Variants in INVS observed in about 807,000 individuals in gnomAD.
INVS encodes inversin.
Under a neutral mutation model 108.8 loss-of-function variants are expected in INVS, and 86 were observed. The ratio of observed to expected loss-of-function variants is 0.79; its 90% confidence interval spans 0.66 to 0.95. INVS has a LOEUF of 0.95. INVS is among the 40% of genes least tolerant of loss of function. The pLI is 0.00. For missense variants in INVS, 1,169 were observed against 1,297.4 expected, an observed-to-expected ratio of 0.90 and a Z score of 1.52; for synonymous variants, 455 against 473.5, an observed-to-expected ratio of 0.96 and a Z score of 0.51.
At chr9:100,099,903 G>T (rs1826765665) in intron 1 of INVS, among the ~76,000 whole-genome samples, 1 of 152,140 alleles carries the variant, frequency 6.6e-6, no homozygotes, top group African/African-American at 2.4e-5. Context: ...GGTTCTCCCT[G>T]CTCCCGCCTT....
chr9:100,193,731 T>C (rs769202614), intron 3 of INVS, among the ~76,000 whole-genome samples: 1 of 152,218 alleles, frequency 6.6e-6, no homozygotes, highest in Non-Finnish European at 1.5e-5. Flanking sequence ...TCAGTATAAT[T>C]ATTTTGAAAT....
intron 11 of INVS, among the ~76,000 whole-genome samples, chr9:100,270,121 A>AT (rs59857087): frequency 0.33 from 49,245 of 150,020 alleles, 8,776 homozygotes; most frequent in Non-Finnish European, 0.42. Context: ...TTTTACTTCA[A>AT]TTTTTTTTTT....
rs199532369 is a variant in INVS, at chr9:100,231,213, TTAAAG to T, written c.615+1389_615+1393del. ...TTGTTTTTAACACACAAATTAGACTTTAAAGTATTATTTTTTAATCGTTTTTTACA... is the reference window on the plus strand; with the variant it reads ...TTGTTTTTAACACACAAATTAGACTTTATTATTTTTTAATCGTTTTTTACA... On this transcript the variant is annotated intron_variant, in intron 5 of 16. Transcript: ENST00000262457. Among the ~76,000 whole-genome samples the T allele has an allele frequency of 5.3e-3, 812 of 152,318 alleles. 9 individuals are homozygous for T. The highest frequency in any genetic ancestry group is 0.018 in the African/African-American group (765 of 41,578).
chr9:100,251,458 C>T (rs1422416507), intron 8 of INVS, among the ~76,000 whole-genome samples: 1 of 152,246 alleles, frequency 6.6e-6, no homozygotes, highest in Non-Finnish European at 1.5e-5. Context: ...AGTCAGTGTA[C>T]ATGAAACACA....
chr9:100,127,982 A>T (rs1827939976), intron 3 of INVS, among the ~76,000 whole-genome samples: 1 of 152,192 alleles, frequency 6.6e-6, no homozygotes, highest in Non-Finnish European at 1.5e-5. Context: ...GATACCCTTT[A>T]GATTTTTCAT....
intron 3 of INVS, among the ~76,000 whole-genome samples, chr9:100,137,400 C>G (rs1828262361): frequency 1.3e-5 from 2 of 152,156 alleles, no homozygotes; most frequent in African/African-American, 4.8e-5. Context: ...AGTGAGAAAG[C>G]TAGTGTTTAA....
At chr9:100,284,806 AAAAATTCTATCTTG>A (rs1833387058) in intron 13 of INVS, among the ~76,000 whole-genome samples, 1 of 152,084 alleles carries the variant, frequency 6.6e-6, no homozygotes, top group African/African-American at 2.4e-5. Context: ...CAGCATTTTT[AAAAATTCTATCTTG>A]ATTGATTTAT....
Position 100,104,507 on chromosome 9 carries a change from G to T in INVS, c.-15G>T. On this transcript the variant is annotated 5_prime_UTR_variant, in exon 2 of 17. Transcript: ENST00000262457. The stretch of plus-strand genomic sequence containing the variant: ...TGAATCATTGTTTCAGGTTGCTCCG[G>T]TTGCTAAGAAGACTATGAACAAGTC... The T allele has an allele frequency of 1.9e-6, 3 of 1,592,894 alleles. No individual in the cohort carries two copies. Among genetic ancestry groups the T allele is most frequent in the Non-Finnish European group, 1.7e-6 (2 of 1,160,930 alleles).
chr9:100,207,087 C>T (rs1314304006), intron 3 of INVS, among the ~76,000 whole-genome samples: 1 of 152,054 alleles, frequency 6.6e-6, no homozygotes, highest in Non-Finnish European at 1.5e-5. Flanking sequence ...TGCCAGGTTC[C>T]TCTGCTGTGA....
chr9:100,155,617 C>T (rs539052661), intron 3 of INVS, among the ~76,000 whole-genome samples: 195 of 152,286 alleles, frequency 1.3e-3, no homozygotes, highest in Non-Finnish European at 1.8e-3. Flanking sequence ...GGATTATAGG[C>T]GTCAGCCACT....
At chr9:100,153,005 TTGTGTGTG>T (rs60860854) in intron 3 of INVS, among the ~76,000 whole-genome samples, 10 of 149,264 alleles carry the variant, frequency 6.7e-5, no homozygotes, top group South Asian at 4.3e-4. Flanking sequence ...TGTTAACTAA[TTGTGTGTG>T]TGTGTGTGTG....
chr9:100,293,897 T>C (rs950380305), intron 14 of INVS, among the ~76,000 whole-genome samples: 3 of 152,262 alleles, frequency 2.0e-5, no homozygotes, highest in African/African-American at 7.2e-5. Context: ...GCAGAGTGGC[T>C]TACACCTGTA....
intron 3 of INVS, among the ~76,000 whole-genome samples, chr9:100,221,031 G>A (rs1405659622): frequency 1.3e-5 from 2 of 151,272 alleles, no homozygotes; most frequent in East Asian, 1.9e-4. Context: ...TGCATTATAA[G>A]AATATTCTCA....
intron 2 of INVS, among the ~76,000 whole-genome samples, chr9:100,111,928 A>G (rs1399697248): frequency 6.6e-6 from 1 of 152,144 alleles, no homozygotes; most frequent in Non-Finnish European, 1.5e-5. Context: ...TCAAGACAGG[A>G]CCTAAGTGAG....
intron 11 of INVS, 75 bp downstream of exon 11, chr9:100,265,003 C>T: frequency 2.0e-6 from 2 of 976,746 alleles, no homozygotes; most frequent in Non-Finnish European, 3.3e-6. Flanking sequence ...GTTGCAGTGG[C>T]ACGATCTTGG....
At chr9:100,203,031 G>A (rs1830576168) in intron 3 of INVS, among the ~76,000 whole-genome samples, 1 of 152,206 alleles carries the variant, frequency 6.6e-6, no homozygotes, top group African/African-American at 2.4e-5. Flanking sequence ...TGAGTGCAAG[G>A]CATGTTGGAG....
intron 3 of INVS, among the ~76,000 whole-genome samples, chr9:100,184,412 T>A (rs1340945589): frequency 6.6e-6 from 1 of 152,210 alleles, no homozygotes; most frequent in Non-Finnish European, 1.5e-5. Flanking sequence ...GAGCACTGTT[T>A]TACCTCACTG....
intron 12 of INVS, among the ~76,000 whole-genome samples, chr9:100,283,139 C>G (rs905671562): frequency 4.6e-5 from 7 of 152,130 alleles, no homozygotes; most frequent in Admixed American, 6.5e-5. Flanking sequence ...TGAGACCCCC[C>G]CTCCCCATCT....
At chr9:100,295,301 T>G (rs1370049864) in intron 14 of INVS, among the ~76,000 whole-genome samples, 2 of 152,140 alleles carry the variant, frequency 1.3e-5, no homozygotes, top group Non-Finnish European at 2.9e-5. Flanking sequence ...TGGTCTAACA[T>G]GCCCACCTGC....
Sources: gnomAD v4.1 joint callset for allele counts (sites outside exome capture counted in the v4.1 genomes callset) on GRCh38, gnomAD v4.1.1 for gene constraint, MANE v1.5 for transcripts, NCBI Gene and HGNC (gene_info 2026-07-23, HGNC 2026-07-21) for gene names.